The following APBA2 variants were observed in gnomAD, a reference collection of about 807,000 sequenced individuals.
The protein encoded by APBA2 is amyloid beta precursor protein binding family A member 2.
A neutral mutation model predicts 75.0 loss-of-function variants in APBA2; 30 were observed. The ratio of observed to expected loss-of-function variants is 0.40; its 90% CI spans 0.30 to 0.54. The LOEUF is 0.54. Ranked by LOEUF, APBA2 falls within the 20% of genes least tolerant of loss-of-function variation. APBA2 has a pLI of 0.49. For missense variants in APBA2, 801 were observed against 1,016.1 expected (o/e 0.79, Z 2.88); for synonymous variants, 444 against 409.6 (o/e 1.08, Z -1.01).
intron 2 of APBA2, among the ~76,000 whole-genome samples, chr15:28,923,481 G>T (rs2034085981): frequency 1.3e-5 from 2 of 150,690 alleles, no homozygotes; most frequent in African/African-American, 4.9e-5. Flanking sequence ...AGGATAGGCT[G>T]CCTCATGATG....
At chr15:29,109,147 G>A (rs1483637437) in intron 13 of APBA2, among the ~76,000 whole-genome samples, 1 of 152,226 alleles carries the variant, frequency 6.6e-6, no homozygotes, top group Non-Finnish European at 1.5e-5. Flanking sequence ...AGACACTGCG[G>A]GCTGGAGTGG....
At chr15:29,067,369 C>G (rs2042422982) in intron 4 of APBA2, among the ~76,000 whole-genome samples, 1 of 152,196 alleles carries the variant, frequency 6.6e-6, no homozygotes, top group Non-Finnish European at 1.5e-5. Context: ...GCCTGTGGAC[C>G]TGTGGACCTG....
At chr15:28,992,181 C>T (rs1411802956) in intron 2 of APBA2, among the ~76,000 whole-genome samples, 2 of 152,096 alleles carry the variant, frequency 1.3e-5, no homozygotes, top group Non-Finnish European at 1.5e-5. Flanking sequence ...ATTGGGGTTC[C>T]GTCAAGTTTC....
chr15:29,081,727 T>G, intron 6 of APBA2, among the ~76,000 whole-genome samples: 1 of 152,256 alleles, frequency 6.6e-6, no homozygotes. Context: ...CAGCAATAGG[T>G]CCACCTGATT....
intron 2 of APBA2, among the ~76,000 whole-genome samples, chr15:28,962,325 A>G (rs986901154): frequency 5.3e-5 from 8 of 151,942 alleles, no homozygotes; most frequent in Non-Finnish European, 1.2e-4. Context: ...TAATCCCAGC[A>G]CTTTGGGATG....
chr15:28,952,969 A>T (rs893639414), intron 2 of APBA2, among the ~76,000 whole-genome samples: 4 of 152,178 alleles, frequency 2.6e-5, no homozygotes, highest in African/African-American at 9.6e-5. Flanking sequence ...TCTTTGTATG[A>T]CATAAATGTC....
chr15:28,982,210 T>TATAAAGAG (rs1210659274), intron 2 of APBA2, among the ~76,000 whole-genome samples: 1 of 152,182 alleles, frequency 6.6e-6, no homozygotes, highest in Non-Finnish European at 1.5e-5. Flanking sequence ...CCCCCACACT[T>TATAAAGAG]ATAAAGAGTT....
At chr15:29,091,391 C>T (rs925447420) in intron 6 of APBA2, among the ~76,000 whole-genome samples, 3 of 152,080 alleles carry the variant, frequency 2.0e-5, no homozygotes, top group Non-Finnish European at 4.4e-5. Context: ...GGGCTGAGCA[C>T]CAACGCGAAG....
chr15:28,978,096 C>T (rs973616498), intron 2 of APBA2, among the ~76,000 whole-genome samples: 9 of 152,186 alleles, frequency 5.9e-5, no homozygotes, highest in South Asian at 2.1e-4. Flanking sequence ...TACCGTGGCT[C>T]GGATGGATTA....
chr15:28,958,561 A>G (rs1235807210), intron 2 of APBA2, among the ~76,000 whole-genome samples: 1 of 152,230 alleles, frequency 6.6e-6, no homozygotes, highest in East Asian at 1.9e-4. Context: ...AGAGTTCATT[A>G]TCAGCTGGTA....
intron 2 of APBA2, among the ~76,000 whole-genome samples, chr15:28,943,494 C>A (rs1257534358): frequency 6.6e-6 from 1 of 152,228 alleles, no homozygotes; most frequent in Non-Finnish European, 1.5e-5. Context: ...CCCTTTCTGG[C>A]AAGTGCAGTT....
At chr15:29,060,320 C>T (rs956455507) in intron 4 of APBA2, among the ~76,000 whole-genome samples, 4 of 152,070 alleles carry the variant, frequency 2.6e-5, no homozygotes, top group Admixed American at 6.6e-5. Flanking sequence ...GGGTTAGTCC[C>T]GTGTTGCAGA....
intron 4 of APBA2, among the ~76,000 whole-genome samples, chr15:29,064,239 C>T (rs896746633): frequency 6.6e-6 from 1 of 152,152 alleles, no homozygotes; most frequent in Non-Finnish European, 1.5e-5. Context: ...CCTCTCTTAA[C>T]CTTGGGCACC....
intron 12 of APBA2, 73 bp from the exon 13 acceptor site, chr15:29,108,197 C>G (rs764274221): frequency 3.1e-6 from 5 of 1,606,240 alleles, no homozygotes; most frequent in Non-Finnish European, 4.2e-6. Context: ...CACCACCCTG[C>G]CAGCCTCGCT....
At chr15:29,059,987 G>T (rs1317095719) in intron 4 of APBA2, among the ~76,000 whole-genome samples, 1 of 152,130 alleles carries the variant, frequency 6.6e-6, no homozygotes, top group Non-Finnish European at 1.5e-5. Context: ...TCCATGCAGG[G>T]TCTGTGGGAG....
At chr15:29,029,223 T>C (rs1377943035) in intron 3 of APBA2, among the ~76,000 whole-genome samples, 1 of 152,150 alleles carries the variant, frequency 6.6e-6, no homozygotes, top group Non-Finnish European at 1.5e-5. Context: ...ATTTTTTGCA[T>C]ATAGCTAGCC....
intron 1 of APBA2, among the ~76,000 whole-genome samples, chr15:28,917,036 A>G (rs915123132): frequency 7.1e-4 from 108 of 152,310 alleles, no homozygotes; most frequent in African/African-American, 2.4e-3. Context: ...CAAAAAAGCA[A>G]TTCTCTGCCA....
At position 28,991,371 on chromosome 15, in the gene APBA2, C is replaced by A. The variant is rs73370639; in HGVS notation, c.-94-4382C>A. 0.087 allele frequency among the ~76,000 whole-genome samples: 13,248 copies of A among 152,272 alleles called. 767 individuals carry two copies. The highest frequency in any genetic ancestry group is 0.27 in the East Asian group (1,387 of 5,164). On this transcript the variant is annotated intron_variant, in intron 2 of 14. Transcript: ENST00000683413. This position sits in a 1 kb window ranked among gnomAD's most constrained non-coding sequence, Gnocchi z 4.7. ...TCTCACTGCATCCCTCTTGCTCTTG[C>A]GGCAGCTTGGCTGAGCTACAGGGCC...
chr15:29,084,267 ACTT>A (rs1428115204), intron 6 of APBA2, among the ~76,000 whole-genome samples: 1 of 152,180 alleles, frequency 6.6e-6, no homozygotes, highest in Non-Finnish European at 1.5e-5. Flanking sequence ...GTTTTCTATT[ACTT>A]CTTCTTGCTT....
Sources: allele counts gnomAD v4.1 joint callset (sites outside exome capture counted in the v4.1 genomes callset), GRCh38; gene constraint gnomAD v4.1.1; non-coding constraint Gnocchi (gnomAD v3.1); transcripts MANE v1.5; gene names NCBI Gene and HGNC (gene_info 2026-07-23, HGNC 2026-07-21).